KDM5A: variants seen among roughly 807,000 people sequenced by gnomAD.
KDM5A encodes lysine demethylase 5A.
Under a neutral mutation model 193.5 loss-of-function variants are expected in KDM5A, and 42 were observed. The ratio of observed to expected loss-of-function variants is 0.22; its 90% CI spans 0.17 to 0.28. The LOEUF (loss-of-function observed/expected upper bound fraction) is 0.28, where lower values mean the gene tolerates loss of function less well. KDM5A is among the 10% of genes least tolerant of loss of function. KDM5A has a pLI of 1.00. For synonymous variants in KDM5A, 796 were observed against 718.1 expected (o/e 1.11, Z -1.73); for missense variants, 1,692 against 2,055.1 (o/e 0.82, Z 3.42).
chr12:360,359 A>T (rs571609306), intron 5 of KDM5A, among the ~76,000 whole-genome samples: 15 of 152,288 alleles, frequency 9.8e-5, no homozygotes, highest in African/African-American at 3.6e-4. Context: ...AGGAGAGTGA[A>T]GATAGAAAAG....
chr12:376,868 T>C (rs974454503), intron 3 of KDM5A, among the ~76,000 whole-genome samples: 15 of 152,246 alleles, frequency 9.9e-5, no homozygotes, highest in African/African-American at 3.1e-4. Context: ...AATACAAATG[T>C]AGACAATATT....
At chr12:312,554 T>C (rs1035624470) in intron 20 of KDM5A, among the ~76,000 whole-genome samples, 1 of 152,108 alleles carries the variant, frequency 6.6e-6, no homozygotes, top group African/African-American at 2.4e-5. Context: ...CAAGTAATAT[T>C]TAAGTAGGTA....
chr12:388,948 G>A lies in KDM5A; in HGVS notation c.144C>T (p.Ile48=), dbSNP rs117902138. ...GTACCTTGGGCGGCCGAATTTTGCA[G>A]ATGCCGGTTTTCTCCGCCAAAGGCC... ...RIRPLAEKTG[I]CKIRPPKDWQ... Residue 48 remains isoleucine (I), a synonymous_variant, in exon 1 of 28, where the codon ATC becomes ATT. Coordinates refer to ENST00000399788, the MANE Select transcript of KDM5A (RefSeq NM_001042603.3). The A allele has an allele frequency of 3.6e-4, 581 of 1,614,232 alleles. 3 individuals are homozygous for A. The East Asian group carries it at 0.011, about 30-fold the overall frequency.
Position 365,945 on chromosome 12 carries a change from C to T in KDM5A, c.526G>A (p.Val176Met). The T allele has an allele frequency of 1.9e-6, 3 of 1,613,888 alleles. No homozygotes were observed. The highest frequency in any genetic ancestry group is 2.5e-6 in the Non-Finnish European group (3 of 1,179,794). The change falls in exon 4 of 28, where the codon GTG (valine) becomes ATG (methionine). Residue 176 changes from valine to methionine, a missense_variant. By Grantham distance (21) the Val-to-Met change is conservative. This residue lies in a region of KDM5A where 120 missense variants were observed against 172.0 expected (regional missense o/e 0.70). Transcript: ENST00000399788. ...ATAATGCATCTCACCATAAGGCTCA[C>T]ACCAGACTGGAAAAGCTCATATGGG... ...LYPYELFQSG[V>M]SLMGVQMPNL...
At chr12:296,082 G>A (rs1313221172) in intron 25 of KDM5A, among the ~76,000 whole-genome samples, 3 of 152,154 alleles carry the variant, frequency 2.0e-5, no homozygotes, top group Non-Finnish European at 4.4e-5. Flanking sequence ...ACTTTGGGAG[G>A]CTGAGGCGGG....
chr12:336,043 CAAAAAAAAAAAAAAA>C (rs753624871), intron 10 of KDM5A, among the ~76,000 whole-genome samples: 11 of 42,020 alleles, frequency 2.6e-4, no homozygotes, highest in African/African-American at 1.1e-3. Flanking sequence ...TACTTCATCT[CAAAAAAAAAAAAAAA>C]AAAAAAAAAA....
chr12:363,003 A>T lies in KDM5A; in HGVS notation c.632T>A (p.Met211Lys). The T allele has an allele frequency of 6.2e-7, 1 of 1,614,190 alleles. No individual in the cohort carries two copies. Among genetic ancestry groups the T allele is most frequent in the Non-Finnish European group, 8.5e-7 (1 of 1,180,030 alleles). ...TQTSPEPGTR[M>K]NILPKRTRRV... ...TCTTGTTCTCTTCGGCAGAATGTTC[A>T]TCCTTGTGCCTGGCTCTGGGGAAGT... The change falls in exon 5 of 28, where the codon ATG becomes AAG. Residue 211 changes from methionine (M) to lysine (K), a missense_variant. Transcript: ENST00000399788.
At chr12:340,356 C>T (rs998259767) in intron 10 of KDM5A, among the ~76,000 whole-genome samples, 1 of 152,086 alleles carries the variant, frequency 6.6e-6, no homozygotes, top group East Asian at 1.9e-4. Context: ...GACTGTATCC[C>T]ATGGCAACCT....
chr12:358,932 C>T (rs1390066660), intron 5 of KDM5A, among the ~76,000 whole-genome samples: 1 of 151,890 alleles, frequency 6.6e-6, no homozygotes, highest in East Asian at 1.9e-4. Flanking sequence ...GATCATGCCA[C>T]TGCACTCCAG....
At chr12:350,498 G>C in intron 10 of KDM5A, 123 bp downstream of exon 10, 1 of 878,592 alleles carries the variant, frequency 1.1e-6, no homozygotes, top group Non-Finnish European at 1.8e-6. Flanking sequence ...CAAAACTGAA[G>C]ATTATTTATA....
In KDM5A at chr12:334,429, G is replaced by C; in HGVS notation, c.1309-7C>G. On this transcript the variant is annotated splice_polypyrimidine_tract_variant and splice_region_variant and intron_variant, in intron 10 of 27. Transcript: ENST00000399788. ...AACCAGAAAGTGCATATTCCTATAA[G>C]AGAAGAAAAAACTGTAAATGAAAGA... The C allele has an allele frequency of 6.2e-7, 1 of 1,610,704 alleles. No homozygotes were observed. Among genetic ancestry groups the C allele is most frequent in the Middle Eastern group, 1.6e-4 (1 of 6,062 alleles).
intron 19 of KDM5A, among the ~76,000 whole-genome samples, chr12:315,022 T>C (rs980581296): frequency 6.6e-6 from 1 of 152,110 alleles, no homozygotes; most frequent in African/African-American, 2.4e-5. Flanking sequence ...ACACCTGTAT[T>C]TTAACAAAGT....
rs112701963 is a variant in KDM5A at position 389,135 on chromosome 12, G to A, written c.-44C>T. 2.5e-6 allele frequency: 4 copies of A among 1,580,920 alleles called. No individual in the cohort carries two copies. The highest frequency in any genetic ancestry group is 1.3e-5 in the African/African-American group (1 of 74,528). On this transcript the variant is annotated 5_prime_UTR_variant, in exon 1 of 28. Transcript: ENST00000399788. ...GGGGGGGTCCCCGTGGGGAACCGGT[G>A]GAGAAAAGCTGGCTGAAGCCCACTA... is the stretch of plus-strand genomic sequence containing the variant.
At chr12:296,938 C>T in intron 25 of KDM5A, 103 bp downstream of exon 25, 1 of 1,207,850 alleles carries the variant, frequency 8.3e-7, no homozygotes, top group East Asian at 2.4e-5. Context: ...CATGGCCAAC[C>T]ATTGTACTCC....
At chr12:345,208 A>C (rs889890106) in intron 10 of KDM5A, among the ~76,000 whole-genome samples, 64 of 152,242 alleles carry the variant, frequency 4.2e-4, no homozygotes, top group African/African-American at 1.5e-3. Context: ...GAATTCAACA[A>C]GAAGAGCTAA....
At chr12:362,863 C>A in intron 5 of KDM5A, 100 bp downstream of exon 5, 1 of 1,095,108 alleles carries the variant, frequency 9.1e-7, no homozygotes, top group East Asian at 2.4e-5. Context: ...GAGGCGGAGG[C>A]AAGAGGATCA....
At chr12:379,185 CTT>C (rs1252278723) in intron 3 of KDM5A, among the ~76,000 whole-genome samples, 3 of 151,476 alleles carry the variant, frequency 2.0e-5, no homozygotes, top group Non-Finnish European at 4.4e-5. Context: ...AAAAAAAAAA[CTT>C]AATAGATGCC....
intron 4 of KDM5A, 86 bp from the exon 5 acceptor site, chr12:363,183 T>C: frequency 6.7e-7 from 1 of 1,481,492 alleles, no homozygotes; most frequent in Non-Finnish European, 9.4e-7. Context: ...AAATTGCCAA[T>C]GAATCCCTAA....
At chr12:355,021 G>GT (rs1327568640) in intron 7 of KDM5A, 137 bp downstream of exon 7, 2 of 703,406 alleles carry the variant, frequency 2.8e-6, no homozygotes, top group Admixed American at 2.1e-5. Context: ...AACAAAAGCT[G>GT]TAACTTCACA....
Sources: gnomAD v4.1 joint callset for allele counts (sites outside exome capture counted in the v4.1 genomes callset) on GRCh38, gnomAD v4.1.1 for gene constraint, gnomAD v4.1.1 regional missense constraint, MANE v1.5 for transcripts, NCBI Gene and HGNC (gene_info 2026-07-23, HGNC 2026-07-21) for gene names.